ERICH1: variants seen among roughly 807,000 people sequenced by gnomAD.
ERICH1 encodes the protein glutamate-rich protein 1.
A neutral mutation model predicts 39.6 loss-of-function variants in ERICH1; 56 were observed. The ratio of observed to expected loss-of-function variants is 1.41; its 90% CI spans 1.14 to 1.77. The LOEUF (loss-of-function observed/expected upper bound fraction) is 1.77. Ranked by LOEUF, ERICH1 falls within the 40% of genes most tolerant of loss-of-function variation. The probability of loss-of-function intolerance (pLI) is 0.00; values close to 1 mark genes in which losing one functional copy is unlikely to be tolerated. For synonymous variants in ERICH1, 313 were observed against 223.6 expected (o/e 1.40, Z -3.57); for missense variants, 826 against 575.4 (o/e 1.44, Z -4.45).
intron 3 of ERICH1, among the ~76,000 whole-genome samples, chr8:630,517 G>T: frequency 9.4e-6 from 1 of 105,844 alleles, no homozygotes; most frequent in Non-Finnish European, 1.9e-5. Context: ...AGACAGAGCT[G>T]ACTCACACCC....
chr8:656,592 G>T (rs556837970), intron 3 of ERICH1, among the ~76,000 whole-genome samples: 1 of 152,168 alleles, frequency 6.6e-6, no homozygotes, highest in Admixed American at 6.5e-5. Context: ...GATCTTGTTC[G>T]CATTGAGGCT....
At chr8:694,944 G>C (rs998973554) in intron 2 of ERICH1, among the ~76,000 whole-genome samples, 1 of 152,128 alleles carries the variant, frequency 6.6e-6, no homozygotes, top group African/African-American at 2.4e-5. Flanking sequence ...CTAAGAGTCA[G>C]GGTCAGAGAG....
At chr8:642,874 G>A (rs1260238663) in intron 3 of ERICH1, among the ~76,000 whole-genome samples, 1 of 152,152 alleles carries the variant, frequency 6.6e-6, no homozygotes, top group African/African-American at 2.4e-5. Context: ...ACCTGTGGCA[G>A]GCAGTTCTGG....
chr8:730,254 G>A (rs1442197556), intron 1 of ERICH1, among the ~76,000 whole-genome samples: 1 of 152,222 alleles, frequency 6.6e-6, no homozygotes, highest in Non-Finnish European at 1.5e-5. Flanking sequence ...GTGTGTCCCT[G>A]AAAAGGAAGA....
chr8:695,554 TCCTTCCTCCCC>T lies in ERICH1; in HGVS notation c.170-2953_170-2943del. On this transcript the variant is annotated intron_variant, in intron 2 of 5. Transcript: ENST00000262109. ...TTGCTCCTCTCGCCCTCCACTCCTC[TCCTTCCTCCCC>T]ATCAGCCTGCGCCTGTGCTGGCTCC... 5.1e-5 allele frequency among the ~76,000 whole-genome samples: 6 copies of T among 116,874 alleles called. 1 individual carries two copies. Among genetic ancestry groups the T allele is most frequent in the Admixed American group, 8.7e-5 (1 of 11,484 alleles). 76.7% of individuals were successfully genotyped at this position (116,874 alleles called of 152,430 possible). A position where few individuals can be genotyped will look rare whatever the true frequency, so the allele number is the denominator to read the frequency against.
intron 3 of ERICH1, among the ~76,000 whole-genome samples, chr8:624,659 CT>C (rs1797494803): frequency 6.6e-6 from 1 of 151,990 alleles, no homozygotes; most frequent in African/African-American, 2.4e-5. Context: ...TCTTGCATGG[CT>C]GGAGCAGGAG....
rs1316530826 is a variant in ERICH1, at chr8:648,622, G to C, written c.976+19976C>G. Among the ~76,000 whole-genome samples, 2 of 67,770 alleles carry C rather than the reference G, an allele frequency of 3.0e-5. 1 individual carries two copies. Among genetic ancestry groups the C allele is most frequent in the African/African-American group, 7.4e-5 (2 of 26,988 alleles). 44.5% of individuals were successfully genotyped at this position (67,770 alleles called of 152,430 possible). A position where few individuals can be genotyped will look rare whatever the true frequency, so the allele number is the denominator to read the frequency against. On this transcript the variant is annotated intron_variant, in intron 3 of 3. Coordinates refer to the ERICH1 transcript ENST00000522706. ...TACTCTTCACTCCAGCGTGCACTAT[G>C]TGTGAACACGGGGCTGTCCTGTGGG...
intron 3 of ERICH1, among the ~76,000 whole-genome samples, chr8:629,408 T>C (rs1161008101): frequency 2.8e-5 from 4 of 141,114 alleles, no homozygotes; most frequent in African/African-American, 7.7e-5. Context: ...CACACAGAGC[T>C]GACTCACACC....
At chr8:677,253 C>G (rs1409105281) in intron 3 of ERICH1, among the ~76,000 whole-genome samples, 1 of 152,252 alleles carries the variant, frequency 6.6e-6, no homozygotes, top group Non-Finnish European at 1.5e-5. Context: ...AGCCTCCCCT[C>G]TTCATTGGAT....
intron 3 of ERICH1, among the ~76,000 whole-genome samples, chr8:625,207 C>T (rs1380003720): frequency 1.3e-5 from 2 of 152,140 alleles, no homozygotes; most frequent in Non-Finnish European, 2.9e-5. Context: ...TTCACAATCA[C>T]CCAAAAGCAG....
At position 695,521 on chromosome 8, in the gene ERICH1, ACCTGTG is replaced by A. The variant is rs1376057294; in HGVS notation, c.170-2915_170-2910del. Among the ~76,000 whole-genome samples, 34 of 122,228 alleles carry A rather than the reference ACCTGTG, an allele frequency of 2.8e-4. 1 individual carries two copies. Among genetic ancestry groups the A allele is most frequent in the Non-Finnish European group, 4.6e-4 (25 of 54,620 alleles). The allele number at this position is 122,228 out of a possible 152,430, so 80.2% of individuals were successfully genotyped here. On this transcript the variant is annotated intron_variant, in intron 2 of 5. Coordinates refer to ENST00000262109, the MANE Select transcript of ERICH1 (RefSeq NM_207332.3). ...CTCTCCTTCCTCCCCATCAGCCTGC[ACCTGTG>A]CTTGCTCCTCTCGCCCTCCACTCCT...
chr8:717,933 G>A (rs1255679396), intron 1 of ERICH1, among the ~76,000 whole-genome samples: 3 of 152,256 alleles, frequency 2.0e-5, no homozygotes, highest in Non-Finnish European at 2.9e-5. Flanking sequence ...AGGAGACGCT[G>A]GGCCCAAGCA....
chr8:616,715 G>A (rs1296516010), intron 3 of ERICH1: 3 of 411,878 alleles, frequency 7.3e-6, no homozygotes, highest in East Asian at 1.5e-4. Flanking sequence ...GAGAGATAGA[G>A]ACACTCAGAG....
chr8:679,380 C>T (rs1805596401), intron 3 of ERICH1, among the ~76,000 whole-genome samples: 1 of 149,082 alleles, frequency 6.7e-6, no homozygotes, highest in South Asian at 2.2e-4. Flanking sequence ...CTCACAGCAC[C>T]CACCCCTCAC....
In ERICH1 at chr8:616,995, T is replaced by G; in HGVS notation, c.977-1711A>C. On this transcript the variant is annotated intron_variant, in intron 3 of 3. Transcript: ENST00000522706. ...GAGAGAGAGAGAGACATTGGTTATA[T>G]AAGCGAGCAAATATCCAGAAGGAAG... 1.4e-5 allele frequency among the ~76,000 whole-genome samples: 2 copies of G among 144,248 alleles called. 1 individual carries two copies. The allele number at this position is 144,248 out of a possible 152,430, so 94.6% of individuals were successfully genotyped here. A position where few individuals can be genotyped will look rare whatever the true frequency, so the allele number is the denominator to read the frequency against.
chr8:695,732 T>A (rs1302795772), intron 2 of ERICH1, among the ~76,000 whole-genome samples: 10 of 94,706 alleles, frequency 1.1e-4, no homozygotes, highest in Non-Finnish European at 1.1e-4. Context: ...TTCCTCCCCA[T>A]CAGCCTGCGC....
chr8:691,335 T>C (rs1407711692), intron 3 of ERICH1, among the ~76,000 whole-genome samples: 1 of 152,246 alleles, frequency 6.6e-6, no homozygotes, highest in Non-Finnish European at 1.5e-5. Context: ...AGAACACTGC[T>C]GTAGCTCAGT....
chr8:703,905 A>G (rs1812709947), intron 2 of ERICH1, among the ~76,000 whole-genome samples: 1 of 152,224 alleles, frequency 6.6e-6, no homozygotes, highest in Admixed American at 6.5e-5. Context: ...ATGTTCCCAG[A>G]CTACGGAGGC....
At chr8:721,669 C>T (rs1291234591) in intron 1 of ERICH1, among the ~76,000 whole-genome samples, 1 of 152,236 alleles carries the variant, frequency 6.6e-6, no homozygotes, top group Admixed American at 6.5e-5. Flanking sequence ...CTGGTGGTTT[C>T]CTGCAGATAT....
Sources: gnomAD v4.1 joint callset for allele counts (sites outside exome capture counted in the v4.1 genomes callset) on GRCh38, gnomAD v4.1.1 for gene constraint, MANE v1.5 for transcripts, NCBI Gene and HGNC (gene_info 2026-07-23, HGNC 2026-07-21) for gene names.